The following NRXN1 variants were observed in gnomAD, a reference collection of about 807,000 sequenced individuals.
The protein encoded by NRXN1 is neurexin-1.
NRXN1 carries 39 observed loss-of-function variants against 150.9 expected under a neutral mutation model. That is an observed-to-expected ratio of 0.26 (90% CI 0.20 to 0.34). The LOEUF (loss-of-function observed/expected upper bound fraction) is 0.34, where lower values mean the gene tolerates loss of function less well. NRXN1 is among the 10% of genes least tolerant of loss of function. The pLI is 1.00. For synonymous variants in NRXN1, 924 were observed against 757.0 expected, an observed-to-expected ratio of 1.22 and a Z score of -3.62; for missense variants, 1,815 against 1,949.9, an observed-to-expected ratio of 0.93 and a Z score of 1.30.
intron 17 of NRXN1, among the ~76,000 whole-genome samples, chr2:50,321,630 T>G (rs1253276966): frequency 6.6e-6 from 1 of 152,146 alleles, no homozygotes; most frequent in Non-Finnish European, 1.5e-5. Context: ...TCACTACCTT[T>G]TAAAAGATAG....
chr2:50,073,186 T>C (rs1696560804), intron 19 of NRXN1, among the ~76,000 whole-genome samples: 1 of 152,158 alleles, frequency 6.6e-6, no homozygotes, highest in African/African-American at 2.4e-5. Flanking sequence ...TCCAGACATT[T>C]GCAGACATTT....
chr2:50,381,391 CAA>C (rs1558634847), intron 17 of NRXN1, among the ~76,000 whole-genome samples: 2 of 151,806 alleles, frequency 1.3e-5, no homozygotes, highest in Non-Finnish European at 2.9e-5. Context: ...GATGAATTAC[CAA>C]AGAGTACCTG....
intron 18 of NRXN1, among the ~76,000 whole-genome samples, chr2:50,186,403 T>C (rs1361803366): frequency 1.3e-5 from 2 of 152,080 alleles, no homozygotes; most frequent in African/African-American, 4.8e-5. Context: ...TTGGATGAAA[T>C]GTTATGTTCA....
chr2:49,983,884 T>C (rs997031808), intron 21 of NRXN1, among the ~76,000 whole-genome samples: 2 of 152,146 alleles, frequency 1.3e-5, no homozygotes, highest in African/African-American at 4.8e-5. Flanking sequence ...TGGTAAGAAA[T>C]ACAAAGACTG....
intron 21 of NRXN1, among the ~76,000 whole-genome samples, chr2:49,996,046 G>A (rs957700759): frequency 6.6e-6 from 1 of 152,024 alleles, no homozygotes; most frequent in Non-Finnish European, 1.5e-5. Context: ...GGGATGGGGT[G>A]AGTATGATGT....
chr2:50,122,107 G>C (rs1383982299), intron 18 of NRXN1, among the ~76,000 whole-genome samples: 1 of 152,192 alleles, frequency 6.6e-6, no homozygotes, highest in Non-Finnish European at 1.5e-5. Flanking sequence ...CAGACAAGCT[G>C]CAGTACAGCA....
intron 2 of NRXN1, among the ~76,000 whole-genome samples, chr2:50,971,245 G>A (rs1294262425): frequency 1.3e-5 from 2 of 152,118 alleles, no homozygotes; most frequent in Non-Finnish European, 2.9e-5. Context: ...CATAATGCTT[G>A]TTAGTGTCAA....
intron 18 of NRXN1, among the ~76,000 whole-genome samples, chr2:50,163,919 T>C (rs891821983): frequency 6.6e-6 from 1 of 152,164 alleles, no homozygotes; most frequent in Non-Finnish European, 1.5e-5. Flanking sequence ...TTGAGCTAAG[T>C]ACACAGAGCT....
chr2:50,153,701 A>G (rs571292276), intron 18 of NRXN1, among the ~76,000 whole-genome samples: 1 of 151,948 alleles, frequency 6.6e-6, no homozygotes, highest in East Asian at 1.9e-4. Context: ...CAAAAAAAGA[A>G]AGAAGAAAAG....
At chr2:50,779,215 C>T (rs1237682041) in intron 5 of NRXN1, among the ~76,000 whole-genome samples, 2 of 151,426 alleles carry the variant, frequency 1.3e-5, no homozygotes, top group Non-Finnish European at 2.9e-5. Context: ...TGATGTTCCC[C>T]TCCCTGTGTC....
intron 5 of NRXN1, among the ~76,000 whole-genome samples, chr2:50,764,209 G>A (rs934734736): frequency 2.0e-5 from 3 of 151,878 alleles, no homozygotes; most frequent in African/African-American, 7.3e-5. Flanking sequence ...GCCAGACACT[G>A]TGGCTCTGGG....
At chr2:50,452,015 A>G (rs1452850635) in intron 17 of NRXN1, among the ~76,000 whole-genome samples, 1 of 152,234 alleles carries the variant, frequency 6.6e-6, no homozygotes, top group African/African-American at 2.4e-5. Context: ...GCAAGTACAC[A>G]GGCATGATCT....
At position 50,552,571 on chromosome 2, in the gene NRXN1, A is replaced by C. The variant is rs202210123; in HGVS notation, c.1759+16T>G. The C allele has an allele frequency of 7.5e-6, 12 of 1,597,418 alleles. No homozygotes were observed. The highest frequency in any genetic ancestry group is 4.4e-5 in the South Asian group (4 of 90,454). Reference sequence around the variant, plus strand: ...TGCTCCAGCAGATAAACAGCATAGAAAAATGATAAGATTACCTGACCGTCC... The same window carrying C: ...TGCTCCAGCAGATAAACAGCATAGACAAATGATAAGATTACCTGACCGTCC... On this transcript the variant is annotated intron_variant, in intron 9 of 22. Transcript: ENST00000401669.
At chr2:51,000,195 G>C (rs1699853754) in intron 2 of NRXN1, among the ~76,000 whole-genome samples, 1 of 151,922 alleles carries the variant, frequency 6.6e-6, no homozygotes. Context: ...TTTCTTTGTT[G>C]TGTTTGCTCA....
intron 5 of NRXN1, among the ~76,000 whole-genome samples, chr2:50,871,530 T>C (rs964056939): frequency 6.6e-6 from 1 of 151,890 alleles, no homozygotes; most frequent in African/African-American, 2.4e-5. Context: ...AATGAGATAA[T>C]TATTCATTCA....
intron 22 of NRXN1, chr2:49,926,284 T>C (rs188606906): frequency 2.5e-6 from 1 of 398,392 alleles, no homozygotes; most frequent in East Asian, 3.6e-5. Context: ...ATAAAGCATG[T>C]TACCTTAAAG....
At chr2:50,195,948 G>A (rs2061732136) in intron 18 of NRXN1, among the ~76,000 whole-genome samples, 2 of 151,902 alleles carry the variant, frequency 1.3e-5, no homozygotes, top group South Asian at 2.1e-4. Flanking sequence ...TTTCTTTTTT[G>A]GTTTGTTTTA....
chr2:50,516,744 G>C (rs933608253), intron 12 of NRXN1, among the ~76,000 whole-genome samples: 2 of 101,774 alleles, frequency 2.0e-5, no homozygotes, highest in African/African-American at 8.4e-5. Flanking sequence ...GTCCCATAAA[G>C]AGATGCTTGC....
rs200202367 is a variant in NRXN1, at chr2:51,027,781, C to T, written c.493G>A (p.Ala165Thr). Reference protein sequence around the residue: ...VGGLPPELRAAALKLTLASVR... With the variant: ...VGGLPPELRATALKLTLASVR... ...GAGGCCAGGGTGAGCTTGAGCGCCG[C>T]GGCGCGCAGTTCCGGGGGCAGCCCC... Residue 165 changes from alanine to threonine, a missense_variant, in exon 2 of 23, where the codon GCG becomes ACG. Physicochemically the swap from Ala to Thr is moderately conservative, Grantham distance 58. Coordinates refer to ENST00000401669, the MANE Select transcript of NRXN1 (RefSeq NM_001330078.2). The T allele has an allele frequency of 1.2e-5, 20 of 1,612,578 alleles. No homozygotes were observed. The South Asian group carries it at 1.9e-4, about 15-fold the overall frequency.
Sources: allele counts gnomAD v4.1 joint callset (sites outside exome capture counted in the v4.1 genomes callset), GRCh38; gene constraint gnomAD v4.1.1; transcripts MANE v1.5; gene names NCBI Gene and HGNC (gene_info 2026-07-23, HGNC 2026-07-21).